ADCY5: variants seen among roughly 807,000 people sequenced by gnomAD.
The protein encoded by ADCY5 is adenylate cyclase type 5.
A neutral mutation model predicts 119.7 loss-of-function variants in ADCY5; 30 were observed. The observed-to-expected ratio is 0.25, with a 90% CI of 0.19 to 0.34. The LOEUF (loss-of-function observed/expected upper bound fraction) is 0.34, where lower values mean the gene tolerates loss of function less well. ADCY5 is among the 10% of genes least tolerant of loss of function. ADCY5 has a pLI of 1.00. For missense variants in ADCY5, 1,324 were observed against 1,775.2 expected, an observed-to-expected ratio of 0.75 and a Z score of 4.57; for synonymous variants, 753 against 762.2, an observed-to-expected ratio of 0.99 and a Z score of 0.20.
intron 1 of ADCY5, among the ~76,000 whole-genome samples, chr3:123,376,632 G>C (rs1297738484): frequency 1.3e-5 from 2 of 152,102 alleles, no homozygotes; most frequent in African/African-American, 4.8e-5. Context: ...TGCCCACAGA[G>C]GCCCAAAATA....
At chr3:123,402,831 C>A (rs1214908432) in intron 1 of ADCY5, among the ~76,000 whole-genome samples, 2 of 133,548 alleles carry the variant, frequency 1.5e-5, no homozygotes, top group Admixed American at 8.0e-5. Context: ...CCAGCCTGGG[C>A]AACAGAGTGA....
intron 1 of ADCY5, among the ~76,000 whole-genome samples, chr3:123,418,099 G>A (rs894316549): frequency 1.3e-5 from 2 of 152,194 alleles, no homozygotes; most frequent in Admixed American, 1.3e-4. Context: ...CAGGAGGTGA[G>A]ACCCACACTG....
In ADCY5 at chr3:123,304,064, C is replaced by T; in HGVS notation, c.2559+3G>A. ...GGTGCTAGGAGGTCGTGCAGCCACCCACCATGTTGACAAAAGCCGCCAGGA... is the reference window on the plus strand; with the variant it reads ...GGTGCTAGGAGGTCGTGCAGCCACCTACCATGTTGACAAAAGCCGCCAGGA... On this transcript the variant is annotated splice_donor_region_variant and intron_variant, in intron 13 of 20. Coordinates refer to ENST00000462833, the MANE Select transcript of ADCY5 (RefSeq NM_183357.3). 2 of 1,603,274 alleles carry T rather than the reference C, an allele frequency of 1.2e-6. No individual in the cohort carries two copies. Among genetic ancestry groups the T allele is most frequent in the Non-Finnish European group, 1.7e-6 (2 of 1,170,200 alleles).
intron 17 of ADCY5, among the ~76,000 whole-genome samples, chr3:123,294,718 T>C (rs1939389062): frequency 6.6e-6 from 1 of 152,094 alleles, no homozygotes; most frequent in Admixed American, 6.5e-5. Flanking sequence ...ATCGGGACAG[T>C]CGGCAACACT....
chr3:123,286,820 C>T lies in ADCY5; in HGVS notation c.3533-11G>A. ...GGCCGATGTTGAGCCCTGCAGGGGA[C>T]AGGAATCAGCCACAGTCATCACATC... On this transcript the variant is annotated splice_polypyrimidine_tract_variant and intron_variant, in intron 19 of 20. Transcript: ENST00000462833. The surrounding 1 kb of genome is among the most constrained non-coding windows in gnomAD (Gnocchi z 4.2). 1 of 1,586,458 alleles carries T rather than the reference C, an allele frequency of 6.3e-7. No individual in the cohort carries two copies. Among genetic ancestry groups the T allele is most frequent in the Non-Finnish European group, 8.6e-7 (1 of 1,168,350 alleles).
intron 17 of ADCY5, among the ~76,000 whole-genome samples, chr3:123,293,039 C>A (rs1023167561): frequency 6.6e-6 from 1 of 152,226 alleles, no homozygotes; most frequent in African/African-American, 2.4e-5. Flanking sequence ...TCTGCAAACT[C>A]CACCCCAGCA....
intron 1 of ADCY5, chr3:123,416,243 A>T (rs1211640408): frequency 6.5e-7 from 1 of 1,536,122 alleles, no homozygotes; most frequent in East Asian, 2.4e-5. Context: ...CCTCTGCTGC[A>T]ACAGCCCTCT....
intron 1 of ADCY5, among the ~76,000 whole-genome samples, chr3:123,446,835 C>A (rs958742555): frequency 1.3e-5 from 2 of 152,148 alleles, no homozygotes; most frequent in Admixed American, 1.3e-4. Context: ...TGGCTTGGGG[C>A]GCTCTGCTAA....
intron 1 of ADCY5, among the ~76,000 whole-genome samples, chr3:123,427,429 C>T (rs973669332): frequency 1.4e-4 from 21 of 152,232 alleles, no homozygotes; most frequent in African/African-American, 5.1e-4. Context: ...TATTCCTTGG[C>T]CACTCTCCCT....
At chr3:123,429,294 G>T (rs1450349821) in intron 1 of ADCY5, among the ~76,000 whole-genome samples, 1 of 152,212 alleles carries the variant, frequency 6.6e-6, no homozygotes, top group Non-Finnish European at 1.5e-5. Flanking sequence ...GCATGGAAAA[G>T]AAAGAGTTGC....
chr3:123,393,605 T>TAAAATAAAA (rs397770125), intron 1 of ADCY5, among the ~76,000 whole-genome samples: 2 of 150,748 alleles, frequency 1.3e-5, no homozygotes, highest in African/African-American at 2.5e-5. Context: ...TAAAATAAAA[T>TAAAATAAAA]GAGGGTGTGA....
At chr3:123,328,553 G>GC in intron 6 of ADCY5, 91 bp downstream of exon 6, 1 of 1,470,144 alleles carries the variant, frequency 6.8e-7, no homozygotes. Context: ...ACCCCACCCT[G>GC]CCCCGCCTCG....
chr3:123,417,454 C>T (rs901168627), intron 1 of ADCY5, among the ~76,000 whole-genome samples: 3 of 152,264 alleles, frequency 2.0e-5, no homozygotes, highest in African/African-American at 7.2e-5. Flanking sequence ...TTACCTTAAG[C>T]CCTTGCCCCC....
chr3:123,289,654 C>A, intron 19 of ADCY5, 96 bp downstream of exon 19: 2 of 1,449,642 alleles, frequency 1.4e-6, no homozygotes, highest in Non-Finnish European at 1.9e-6. Flanking sequence ...TACCTTGGGA[C>A]CACAATGGCG....
chr3:123,309,930 G>A (rs907755704), intron 12 of ADCY5, among the ~76,000 whole-genome samples: 1 of 152,082 alleles, frequency 6.6e-6, no homozygotes, highest in Admixed American at 6.5e-5. Flanking sequence ...TTAGCTACAC[G>A]CAGGCTGCAG....
At chr3:123,294,062 C>A (rs1338718361) in intron 17 of ADCY5, among the ~76,000 whole-genome samples, 1 of 152,148 alleles carries the variant, frequency 6.6e-6, no homozygotes, top group Admixed American at 6.5e-5. Context: ...AAACCTAGGA[C>A]AATTTGAGCA....
chr3:123,356,226 A>G (rs1386013936), intron 1 of ADCY5, among the ~76,000 whole-genome samples: 2 of 152,218 alleles, frequency 1.3e-5, no homozygotes, highest in African/African-American at 4.8e-5. Flanking sequence ...AAATCTTTAT[A>G]ACCTTGGATT....
chr3:123,300,467 C>A lies in ADCY5; in HGVS notation c.2725-172G>T, dbSNP rs13081065. Among the ~76,000 whole-genome samples, 41,443 of 152,206 alleles carry A rather than the reference C, an allele frequency of 0.27. 7,099 individuals are homozygous for A. The highest frequency in any genetic ancestry group is 0.39 in the Non-Finnish European group (26,557 of 67,976). Reference sequence around the variant, plus strand: ...TAAAGTGAAGGGCCCTGGTTAGGAACCAGGAGATGGGCTCCAGCTGGAGTC... The same window carrying A: ...TAAAGTGAAGGGCCCTGGTTAGGAAACAGGAGATGGGCTCCAGCTGGAGTC... On this transcript the variant is annotated intron_variant, in intron 14 of 20. Transcript: ENST00000462833.
intron 1 of ADCY5, among the ~76,000 whole-genome samples, chr3:123,376,442 T>C (rs1172773951): frequency 6.6e-6 from 1 of 152,052 alleles, no homozygotes; most frequent in Non-Finnish European, 1.5e-5. Flanking sequence ...GAGGAGCATA[T>C]GTTCTTTCTG....
Sources: allele counts gnomAD v4.1 joint callset (sites outside exome capture counted in the v4.1 genomes callset), GRCh38; gene constraint gnomAD v4.1.1; non-coding constraint Gnocchi (gnomAD v3.1); transcripts MANE v1.5; gene names NCBI Gene and HGNC (gene_info 2026-07-23, HGNC 2026-07-21).